SYT5: variants seen among roughly 807,000 people sequenced by gnomAD.
The protein encoded by SYT5 is synaptotagmin-5.
Under a neutral mutation model 36.0 loss-of-function variants are expected in SYT5, and 29 were observed. The ratio of observed to expected loss-of-function variants is 0.81; its 90% CI spans 0.60 to 1.10. The LOEUF is 1.10. Among genes scored for constraint, SYT5 ranks in the 50% least tolerant of loss-of-function variants. SYT5 has a pLI of 0.00. For synonymous variants in SYT5, 231 were observed against 227.6 expected, an observed-to-expected ratio of 1.02 and a Z score of -0.14; for missense variants, 512 against 516.0, an observed-to-expected ratio of 0.99 and a Z score of 0.08.
Position 55,173,683 on chromosome 19 carries a change from T to G in SYT5, c.962A>C (p.Lys321Thr), listed in dbSNP as rs2086031437. 1 of 1,390,356 alleles carries G rather than the reference T, an allele frequency of 7.2e-7. No homozygotes were observed. The highest frequency in any genetic ancestry group is 3.6e-5 in the Admixed American group (1 of 27,702). 86.1% of individuals were successfully genotyped at this position (1,390,356 alleles called of 1,614,324 possible). The stretch of plus-strand genomic sequence containing the variant: ...CAGCACGGTCAGCTCCACCTGCACC[T>G]TCTGGGGTGGGCGCGGGAGGAAGAG... ...SFEVPCDQVQ[K>T]VQVELTVLDY... Residue 321 changes from lysine to threonine, a missense_variant and splice_region_variant, in exon 9 of 9, where the codon AAG (lysine) becomes ACG (threonine). Physicochemically the swap from Lys to Thr is moderately conservative, Grantham distance 78. Coordinates refer to ENST00000354308, the MANE Select transcript of SYT5 (RefSeq NM_003180.3). The surrounding 1 kb of genome is among the most constrained non-coding windows in gnomAD (Gnocchi z 5.4).
At chr19:55,177,470 T>C (rs1568878739) in intron 3 of SYT5, 1 of 152,222 alleles carries the variant, frequency 6.6e-6, no homozygotes, top group African/African-American at 2.4e-5. Flanking sequence ...CCCTCTGTTT[T>C]AAACTTTTTC....
In SYT5 at chr19:55,175,091, C is replaced by A; in HGVS notation, c.708+81G>T. The A allele has an allele frequency of 6.3e-7, 1 of 1,590,270 alleles. No individual in the cohort carries two copies. ...CACGCCGCCCTGAGGGTCTGGAAAG[C>A]CTATGATCTGATTGGCTCAGGATGT... On this transcript the variant is annotated intron_variant, in intron 6 of 8. Transcript: ENST00000354308. This position sits in a 1 kb window ranked among gnomAD's most constrained non-coding sequence, Gnocchi z 4.5.
chr19:55,174,966 G>A lies in SYT5; in HGVS notation c.742C>T (p.Arg248Cys), dbSNP rs1378130910. 4 of 1,613,924 alleles carry A rather than the reference G, an allele frequency of 2.5e-6. No individual in the cohort carries two copies. The highest frequency in any genetic ancestry group is 3.3e-4 in the Middle Eastern group (2 of 6,084). The change falls in exon 7 of 9, where the codon CGC (arginine) becomes TGC (cysteine). Residue 248 changes from arginine to cysteine, a missense_variant. Arg to Cys is a radical substitution (Grantham distance 180). Transcript: ENST00000354308. The stretch of plus-strand genomic sequence containing the variant: ...AGCTTCCCGGCCGTGGGGACATAGC[G>A]GAGGGAGAAGCAGATGTCCCCAAGC... ...EKLGDICFSL[R>C]YVPTAGKLTV...
intron 3 of SYT5, chr19:55,177,511 A>G (rs2086089843): frequency 6.6e-6 from 1 of 152,234 alleles, no homozygotes; most frequent in Admixed American, 6.5e-5. Flanking sequence ...TTTCTGAAAA[A>G]AATCAGCATA....
intron 3 of SYT5, among the ~76,000 whole-genome samples, chr19:55,176,809 C>G (rs1267991112): frequency 6.6e-6 from 1 of 152,168 alleles, no homozygotes; most frequent in African/African-American, 2.4e-5. Context: ...CCCTAAATAG[C>G]ATCCTTTACG....
At position 55,172,536 on chromosome 19, in the gene SYT5, A is replaced by T. The variant is rs1477628775; in HGVS notation, c.*948T>A. On this transcript the variant is annotated 3_prime_UTR_variant, in exon 9 of 9. Transcript: ENST00000354308. ...GGAAAAAAGAAAAGAAAAAAGAAAGAGGTGAAGTTGAAATCATTGGCTTTC... is the reference window on the plus strand; with the variant it reads ...GGAAAAAAGAAAAGAAAAAAGAAAGTGGTGAAGTTGAAATCATTGGCTTTC... 1 of 152,138 alleles carries T rather than the reference A, an allele frequency of 6.6e-6. No individual in the cohort carries two copies. The highest frequency in any genetic ancestry group is 1.5e-5 in the Non-Finnish European group (1 of 68,036). 9.4% of individuals were successfully genotyped at this position (152,138 alleles called of 1,614,324 possible).
chr19:55,173,921 AC>A lies in SYT5; in HGVS notation c.961-238del. ...GTTTCTAAGGAAATGAACCCTCAGG[AC>A]TCGGTTGCGGAGCGGGTGTGTTCGG... On this transcript the variant is annotated intron_variant, in intron 8 of 8. Coordinates refer to ENST00000354308, the MANE Select transcript of SYT5 (RefSeq NM_003180.3). The surrounding 1 kb of genome is among the most constrained non-coding windows in gnomAD (Gnocchi z 5.4). The A allele has an allele frequency of 2.4e-6, 1 of 418,634 alleles. No homozygotes were observed. The highest frequency in any genetic ancestry group is 4.1e-6 in the Non-Finnish European group (1 of 243,380). The allele number at this position is 418,634 out of a possible 1,614,324, so 25.9% of individuals were successfully genotyped here. A position where few individuals can be genotyped will look rare whatever the true frequency, so the allele number is the denominator to read the frequency against.
chr19:55,173,678 G>A lies in SYT5; in HGVS notation c.967C>T (p.Gln323Ter), dbSNP rs988785642. The change falls in exon 9 of 9, where the codon CAG becomes TAG. Residue 323 changes from glutamine to a stop codon, truncating the protein, a stop_gained. Coordinates refer to ENST00000354308, the MANE Select transcript of SYT5 (RefSeq NM_003180.3). LOFTEE classifies it low-confidence loss of function (END_TRUNC). The surrounding 1 kb of genome is among the most constrained non-coding windows in gnomAD (Gnocchi z 5.4). ...TAGTCCAGCACGGTCAGCTCCACCT[G>A]CACCTTCTGGGGTGGGCGCGGGAGG... ...EVPCDQVQKV[Q>*]VELTVLDYDK... 3 of 1,410,850 alleles carry A rather than the reference G, an allele frequency of 2.1e-6. No individual in the cohort carries two copies. Among genetic ancestry groups the A allele is most frequent in the African/African-American group, 3.0e-5 (2 of 66,188 alleles). The allele number at this position is 1,410,850 out of a possible 1,614,324, so 87.4% of individuals were successfully genotyped here. A position where few individuals can be genotyped will look rare whatever the true frequency, so the allele number is the denominator to read the frequency against.
Position 55,171,700 on chromosome 19 carries a change from T to G in SYT5, c.*1784A>C, listed in dbSNP as rs1329450561. On this transcript the variant is annotated 3_prime_UTR_variant, in exon 9 of 9. Transcript: ENST00000354308. ...GAACAATGAGGTCAGATGCGGCGGC[T>G]CATGTCTACAGTCCCAGCTACTCAC... The G allele has an allele frequency of 6.6e-6, 1 of 152,062 alleles. No individual in the cohort carries two copies. Among genetic ancestry groups the G allele is most frequent in the East Asian group, 1.9e-4 (1 of 5,202 alleles). The allele number at this position is 152,062 out of a possible 1,614,324, so 9.4% of individuals were successfully genotyped here.
intron 7 of SYT5, 102 bp downstream of exon 7, chr19:55,174,780 T>G (rs75551131): frequency 0.055 from 85,681 of 1,567,720 alleles, 7,325 homozygotes; most frequent in Admixed American, 0.35. Context: ...AGCAGCCAGG[T>G]CCTCCCTGTC....
At chr19:55,174,859 C>G in intron 7 of SYT5, 23 bp downstream of exon 7, 2 of 1,610,958 alleles carry the variant, frequency 1.2e-6, no homozygotes, top group East Asian at 2.2e-5. Flanking sequence ...CCCACACACC[C>G]CACTCCCTTG....
At chr19:55,174,439 G>A (rs1010409683) in intron 8 of SYT5, 78 bp downstream of exon 8, 14 of 1,546,312 alleles carry the variant, frequency 9.1e-6, no homozygotes, top group Non-Finnish European at 1.2e-5. Flanking sequence ...CTAGGGAGAT[G>A]CTAAAAAGTC....
rs2086009162 is a variant in SYT5 at position 55,171,978 on chromosome 19, G to A, written c.*1506C>T. Reference sequence around the variant, plus strand: ...CTGTCAAAAAAAGAAGAAAGAAGAGGCTGAGGCAGAAGAATCGCTTGAACC... The same window carrying A: ...CTGTCAAAAAAAGAAGAAAGAAGAGACTGAGGCAGAAGAATCGCTTGAACC... On this transcript the variant is annotated 3_prime_UTR_variant, in exon 9 of 9. Coordinates refer to ENST00000354308, the MANE Select transcript of SYT5 (RefSeq NM_003180.3). The A allele has an allele frequency of 1.3e-5, 2 of 152,112 alleles. No individual in the cohort carries two copies. Among genetic ancestry groups the A allele is most frequent in the South Asian group, 2.1e-4 (1 of 4,808 alleles). 9.4% of individuals were successfully genotyped at this position (152,112 alleles called of 1,614,324 possible).
At position 55,179,149 on chromosome 19, in the gene SYT5, C is replaced by T. The variant is rs893127713; in HGVS notation, c.-45-63G>A. 6.5e-6 allele frequency: 10 copies of T among 1,538,140 alleles called. No individual in the cohort carries two copies. The East Asian group carries it at 2.4e-4, about 38-fold the overall frequency. On this transcript the variant is annotated intron_variant, in intron 1 of 8. Coordinates refer to ENST00000354308, the MANE Select transcript of SYT5 (RefSeq NM_003180.3). This position sits in a 1 kb window ranked among gnomAD's most constrained non-coding sequence, Gnocchi z 4.5. ...CCACGCACAACAAAGAACTCCAACT[C>T]CCATGAGGCCTTTGCGCGAACAGCC...
At position 55,174,846 on chromosome 19, in the gene SYT5, A is replaced by G. The variant is rs556260574; in HGVS notation, c.826+36T>C. The G allele has an allele frequency of 1.5e-5, 24 of 1,593,326 alleles. No homozygotes were observed. In the Admixed American group the frequency reaches 3.5e-4, roughly 23 times the overall value. On this transcript the variant is annotated intron_variant, in intron 7 of 8. Transcript: ENST00000354308. ...TCAGAACGAGAACCCACCCCACGCC[A>G]TCCCCACACACCCCACTCCCTTGCT...
At chr19:55,177,990 A>G (rs983592895) in intron 3 of SYT5, among the ~76,000 whole-genome samples, 1 of 152,206 alleles carries the variant, frequency 6.6e-6, no homozygotes, top group Non-Finnish European at 1.5e-5. Context: ...CTCTCCCACC[A>G]GACTGGGAAG....
chr19:55,175,823 G>T lies in SYT5; in HGVS notation c.426C>A (p.Gly142=). ...AMGLAALDLG[G]SSDPYVRVYL... ...AGACCCGCACATAGGGGTCCGAGGAGCCACCAAGATCCAAGGCTGCCAATC... is the reference window on the plus strand; with the variant it reads ...AGACCCGCACATAGGGGTCCGAGGATCCACCAAGATCCAAGGCTGCCAATC... Residue 142 remains glycine (G), a synonymous_variant, in exon 5 of 9, where the codon GGC becomes GGA. Transcript: ENST00000354308. This position sits in a 1 kb window ranked among gnomAD's most constrained non-coding sequence, Gnocchi z 4.5. The T allele has an allele frequency of 1.2e-6, 2 of 1,614,184 alleles. No homozygotes were observed. The highest frequency in any genetic ancestry group is 1.7e-6 in the Non-Finnish European group (2 of 1,180,030).
rs933245624 is a variant in SYT5 at position 55,175,120 on chromosome 19, G to A, written c.708+52C>T. On this transcript the variant is annotated intron_variant, in intron 6 of 8. Transcript: ENST00000354308. This position sits in a 1 kb window ranked among gnomAD's most constrained non-coding sequence, Gnocchi z 4.5. ...TGATCTGATTGGCTCAGGATGTTGT[G>A]GGCGGGACTGGGCCTGGGGGCGTGG... 1 of 1,576,382 alleles carries A rather than the reference G, an allele frequency of 6.3e-7. No homozygotes were observed. Among genetic ancestry groups the A allele is most frequent in the Non-Finnish European group, 8.6e-7 (1 of 1,165,768 alleles).
rs2086018980 is a variant in SYT5, at chr19:55,172,764, T to G, written c.*720A>C. ...AGAGAGGGAGGGAGGGATGCAGAAATGGGTATGAAAATCGATGTGAGTCAT... is the reference window on the plus strand; with the variant it reads ...AGAGAGGGAGGGAGGGATGCAGAAAGGGGTATGAAAATCGATGTGAGTCAT... On this transcript the variant is annotated 3_prime_UTR_variant, in exon 9 of 9. Coordinates refer to ENST00000354308, the MANE Select transcript of SYT5 (RefSeq NM_003180.3). 6.6e-6 allele frequency: 1 copy of G among 151,832 alleles called. No homozygotes were observed. Among genetic ancestry groups the G allele is most frequent in the African/African-American group, 2.4e-5 (1 of 41,296 alleles). The allele number at this position is 151,832 out of a possible 1,614,324, so 9.4% of individuals were successfully genotyped here.
Sources: gnomAD v4.1 joint callset for allele counts (sites outside exome capture counted in the v4.1 genomes callset) on GRCh38, gnomAD v4.1.1 for gene constraint, Gnocchi (gnomAD v3.1) non-coding constraint, MANE v1.5 for transcripts, NCBI Gene and HGNC (gene_info 2026-07-23, HGNC 2026-07-21) for gene names.